GRIK4: variants seen among roughly 807,000 people sequenced by gnomAD.
GRIK4 encodes the protein glutamate receptor ionotropic, kainate 4.
Under a neutral mutation model 104.9 loss-of-function variants are expected in GRIK4, and 40 were observed. The ratio of observed to expected loss-of-function variants is 0.38; its 90% CI spans 0.30 to 0.50. The LOEUF is 0.50. Among genes scored for constraint, GRIK4 ranks in the 20% least tolerant of loss-of-function variants. GRIK4 has a pLI of 0.93. For missense variants in GRIK4, 1,047 were observed against 1,308.1 expected (o/e 0.80, Z 3.08); for synonymous variants, 485 against 524.9 (o/e 0.92, Z 1.04).
intron 19 of GRIK4, among the ~76,000 whole-genome samples, chr11:120,977,527 T>A (rs1183006296): frequency 2.0e-5 from 3 of 152,194 alleles, no homozygotes; most frequent in African/African-American, 7.2e-5. Context: ...CCCCGCTCCA[T>A]CTGTTTTTCA....
intron 1 of GRIK4, among the ~76,000 whole-genome samples, chr11:120,516,816 G>C (rs1591668410): frequency 1.3e-5 from 2 of 152,170 alleles, no homozygotes; most frequent in Non-Finnish European, 2.9e-5. Flanking sequence ...GAGTAGGGAA[G>C]CCGGAGGGGG....
intron 1 of GRIK4, among the ~76,000 whole-genome samples, chr11:120,540,627 A>G (rs1948023464): frequency 1.3e-5 from 2 of 152,120 alleles, no homozygotes; most frequent in Middle Eastern, 3.4e-3. Context: ...AAATATATAA[A>G]TAAATAAAAT....
At chr11:120,813,482 G>C (rs374032745) in intron 4 of GRIK4, among the ~76,000 whole-genome samples, 1 of 152,170 alleles carries the variant, frequency 6.6e-6, no homozygotes, top group Non-Finnish European at 1.5e-5. Flanking sequence ...GATGAAGCCT[G>C]ATCATCACTA....
intron 13 of GRIK4, among the ~76,000 whole-genome samples, chr11:120,925,350 C>T (rs1252688797): frequency 6.6e-6 from 1 of 152,194 alleles, no homozygotes; most frequent in East Asian, 1.9e-4. Context: ...AAACCTGTCG[C>T]CTGGGCTTGC....
At chr11:120,801,621 A>G (rs1044625424) in intron 3 of GRIK4, among the ~76,000 whole-genome samples, 2 of 152,298 alleles carry the variant, frequency 1.3e-5, no homozygotes, top group Middle Eastern at 3.4e-3. Context: ...GTATGGGTAA[A>G]CCACATTTTT....
chr11:120,982,551 G>A (rs1316661499), intron 20 of GRIK4, among the ~76,000 whole-genome samples: 31 of 152,018 alleles, frequency 2.0e-4, no homozygotes, highest in East Asian at 1.9e-4. Flanking sequence ...CGACTCATGC[G>A]AACCCAAGAA....
At chr11:120,859,613 G>A (rs890957545) in intron 8 of GRIK4, among the ~76,000 whole-genome samples, 1 of 152,194 alleles carries the variant, frequency 6.6e-6, no homozygotes, top group Admixed American at 6.5e-5. Flanking sequence ...TGCCCAGCCA[G>A]GCCCCTTGGT....
At chr11:120,709,942 T>A (rs767052781) in intron 3 of GRIK4, among the ~76,000 whole-genome samples, 1 of 152,192 alleles carries the variant, frequency 6.6e-6, no homozygotes, top group Non-Finnish European at 1.5e-5. Context: ...GTCTGCATCA[T>A]TGGGATCAAG....
At chr11:120,930,216 T>G (rs888094060) in intron 13 of GRIK4, among the ~76,000 whole-genome samples, 2 of 152,248 alleles carry the variant, frequency 1.3e-5, no homozygotes, top group African/African-American at 4.8e-5. Context: ...TCTCTGGGTC[T>G]CAGCGTCTTT....
Position 120,831,914 on chromosome 11 carries a change from C to A in GRIK4, c.574C>A (p.Arg192Ser), listed in dbSNP as rs369153034. 2.5e-6 allele frequency: 4 copies of A among 1,613,764 alleles called. No homozygotes were observed. The highest frequency in any genetic ancestry group is 3.4e-6 in the Non-Finnish European group (4 of 1,179,834). ...TATCTCCAAGGACACGCTGTCCGTC[C>A]GCATGCTGGATGACACCCGGGACCC... ...FLISKDTLSV[R>S]MLDDTRDPTP... Residue 192 changes from arginine to serine, a missense_variant, in exon 7 of 21, where the codon CGC becomes AGC. Physicochemically the swap from Arg to Ser is moderately radical, Grantham distance 110. Coordinates refer to ENST00000527524, the MANE Select transcript of GRIK4 (RefSeq NM_014619.5).
chr11:120,672,009 G>A (rs1240584214), intron 3 of GRIK4, among the ~76,000 whole-genome samples: 1 of 152,166 alleles, frequency 6.6e-6, no homozygotes, highest in Non-Finnish European at 1.5e-5. Flanking sequence ...CCAGTACCAT[G>A]CTGTTTTGGT....
intron 3 of GRIK4, among the ~76,000 whole-genome samples, chr11:120,668,939 C>T (rs930237459): frequency 7.9e-5 from 12 of 152,176 alleles, no homozygotes; most frequent in Admixed American, 7.8e-4. Flanking sequence ...GTCAGGCATA[C>T]AGTAAGTGCT....
intron 1 of GRIK4, among the ~76,000 whole-genome samples, chr11:120,515,921 G>A (rs1947719900): frequency 6.6e-6 from 1 of 152,158 alleles, no homozygotes; most frequent in Non-Finnish European, 1.5e-5. Flanking sequence ...TACCCGGCGA[G>A]TTAGCTGTGG....
chr11:120,671,579 GT>G (rs377476959), intron 3 of GRIK4, among the ~76,000 whole-genome samples: 3 of 152,040 alleles, frequency 2.0e-5, no homozygotes, highest in African/African-American at 7.2e-5. Context: ...GGGGTTGTTT[GT>G]TTTTTTCTTG....
chr11:120,862,195 C>A, intron 9 of GRIK4, 75 bp downstream of exon 9: 1 of 1,283,474 alleles, frequency 7.8e-7, no homozygotes, highest in Non-Finnish European at 1.1e-6. Flanking sequence ...AACCCCTGGG[C>A]AACACATCTT....
At chr11:120,896,361 G>A (rs1942581892) in intron 11 of GRIK4, among the ~76,000 whole-genome samples, 2 of 152,236 alleles carry the variant, frequency 1.3e-5, no homozygotes, top group Admixed American at 6.5e-5. Flanking sequence ...GGGGCTTGTT[G>A]TATGGATGTG....
At chr11:120,793,708 A>G (rs913321979) in intron 3 of GRIK4, among the ~76,000 whole-genome samples, 1 of 151,566 alleles carries the variant, frequency 6.6e-6, no homozygotes, top group Non-Finnish European at 1.5e-5. Context: ...GGCAGTGGTT[A>G]CAGGTGAAGG....
intron 5 of GRIK4, among the ~76,000 whole-genome samples, chr11:120,817,191 C>G (rs767068650): frequency 6.6e-6 from 1 of 152,102 alleles, no homozygotes; most frequent in Non-Finnish European, 1.5e-5. Flanking sequence ...ACATCCTCCC[C>G]CAAGCCCCAC....
chr11:120,939,944 C>T lies in GRIK4; in HGVS notation c.1477-403C>T, dbSNP rs537544347. Among the ~76,000 whole-genome samples the T allele has an allele frequency of 6.6e-6, 1 of 151,738 alleles. No individual in the cohort carries two copies. Among genetic ancestry groups the T allele is most frequent in the East Asian group, 1.9e-4 (1 of 5,146 alleles). Reference sequence around the variant, plus strand: ...GCGGCGAGCCGAGATGGCGCCACTGCACTCCAGCCTGGGCGACAGAGGGAG... The same window carrying T: ...GCGGCGAGCCGAGATGGCGCCACTGTACTCCAGCCTGGGCGACAGAGGGAG... On this transcript the variant is annotated intron_variant, in intron 13 of 20. Transcript: ENST00000527524. This position sits in a 1 kb window ranked among gnomAD's most constrained non-coding sequence, Gnocchi z 5.6.
Sources: allele counts gnomAD v4.1 joint callset (sites outside exome capture counted in the v4.1 genomes callset), GRCh38; gene constraint gnomAD v4.1.1; non-coding constraint Gnocchi (gnomAD v3.1); transcripts MANE v1.5; gene names NCBI Gene and HGNC (gene_info 2026-07-23, HGNC 2026-07-21).